Variants in NEMP2 observed in about 807,000 individuals in gnomAD.
NEMP2 encodes UPF0571 transmembrane protein.
A neutral mutation model predicts 54.2 loss-of-function variants in NEMP2; 53 were observed. That is an observed-to-expected ratio of 0.98 (90% CI 0.78 to 1.23). NEMP2 has a LOEUF of 1.23. Among genes scored for constraint, NEMP2 ranks in the 50% most tolerant of loss-of-function variants. The pLI is 0.00. For synonymous variants in NEMP2, 197 were observed against 190.3 expected, an observed-to-expected ratio of 1.04 and a Z score of -0.29; for missense variants, 455 against 511.3, an observed-to-expected ratio of 0.89 and a Z score of 1.06.
At chr2:190,424,445 C>G in the NEMP2 span, among the ~76,000 whole-genome samples, 1 of 152,158 alleles carries the variant, frequency 6.6e-6, no homozygotes, top group East Asian at 1.9e-4. This position sits in a 1 kb window ranked among gnomAD's most constrained non-coding sequence, Gnocchi z 5.9. Flanking sequence ...AAGTGATTCT[C>G]CTGCCTCAGC....
the NEMP2 span, among the ~76,000 whole-genome samples, chr2:190,599,798 G>T: frequency 1.3e-5 from 2 of 152,090 alleles, no homozygotes; most frequent in African/African-American, 4.8e-5. Context: ...TGGCACGTGG[G>T]CCTATTTTCA....
At chr2:190,452,379 T>C in the NEMP2 span, among the ~76,000 whole-genome samples, 1 of 152,208 alleles carries the variant, frequency 6.6e-6, no homozygotes, top group Non-Finnish European at 1.5e-5. Context: ...TTATTACATA[T>C]AAAAGTTACA....
the NEMP2 span, among the ~76,000 whole-genome samples, chr2:190,473,734 C>T: frequency 1.3e-5 from 2 of 152,200 alleles, no homozygotes; most frequent in East Asian, 1.9e-4. Context: ...TAGACATCTA[C>T]AGAACTCTCC....
At chr2:190,436,718 C>G in the NEMP2 span, 10 of 1,614,234 alleles carry the variant, frequency 6.2e-6, no homozygotes, top group Non-Finnish European at 8.5e-6. This position sits in a 1 kb window ranked among gnomAD's most constrained non-coding sequence, Gnocchi z 5.3. Flanking sequence ...CAGCCCCAGA[C>G]AGGTGAAATT....
the NEMP2 span, chr2:190,497,666 G>A: frequency 6.2e-7 from 1 of 1,614,154 alleles, no homozygotes; most frequent in Non-Finnish European, 8.5e-7. The surrounding 1 kb of genome is among the most constrained non-coding windows in gnomAD (Gnocchi z 5.2). Flanking sequence ...CCAAATTAAA[G>A]AGATGATGCA....
At chr2:190,443,178 T>G in the NEMP2 span, among the ~76,000 whole-genome samples, 1 of 152,014 alleles carries the variant, frequency 6.6e-6, no homozygotes, top group Non-Finnish European at 1.5e-5. The surrounding 1 kb of genome is among the most constrained non-coding windows in gnomAD (Gnocchi z 4.2). Context: ...GCCTAAGACA[T>G]AAGCAAGGGA....
At chr2:190,573,529 G>T in the NEMP2 span, among the ~76,000 whole-genome samples, 1 of 152,070 alleles carries the variant, frequency 6.6e-6, no homozygotes, top group Non-Finnish European at 1.5e-5. Context: ...TAATAGACTG[G>T]AAATGTTCCA....
the NEMP2 span, among the ~76,000 whole-genome samples, chr2:190,598,967 T>C: frequency 6.6e-6 from 1 of 152,226 alleles, no homozygotes; most frequent in South Asian, 2.1e-4. Flanking sequence ...TGTTTTGTTT[T>C]GTTTTTAGTG....
the NEMP2 span, among the ~76,000 whole-genome samples, chr2:190,451,158 T>G: frequency 6.6e-6 from 1 of 152,222 alleles, no homozygotes; most frequent in African/African-American, 2.4e-5. This position sits in a 1 kb window ranked among gnomAD's most constrained non-coding sequence, Gnocchi z 5.0. Context: ...TGTATGTGTG[T>G]GTATATGTAC....
the NEMP2 span, among the ~76,000 whole-genome samples, chr2:190,449,247 G>T: frequency 6.6e-6 from 1 of 152,192 alleles, no homozygotes; most frequent in South Asian, 2.1e-4. Flanking sequence ...GCTGAGGCAG[G>T]TGGATCACCT....
At chr2:190,482,903 T>TTTTTTTTTG in the NEMP2 span, among the ~76,000 whole-genome samples, 3,329 of 86,120 alleles carry the variant, frequency 0.039, 1,212 homozygotes, top group Non-Finnish European at 0.053. Flanking sequence ...TTTTTTTTTT[T>TTTTTTTTTG]AGACGGAGTC....
the NEMP2 span, chr2:190,553,244 C>T: frequency 2.0e-4 from 10 of 51,162 alleles, no homozygotes; most frequent in Non-Finnish European, 4.2e-5. Context: ...TTCCATTCTT[C>T]GTCAGAAAAA....
At chr2:190,576,904 C>G in the NEMP2 span, among the ~76,000 whole-genome samples, 1 of 152,148 alleles carries the variant, frequency 6.6e-6, no homozygotes, top group South Asian at 2.1e-4. Flanking sequence ...CTGTATGCAA[C>G]GAGCTTTGCA....
At chr2:190,577,937 A>T in the NEMP2 span, among the ~76,000 whole-genome samples, 1 of 152,224 alleles carries the variant, frequency 6.6e-6, no homozygotes, top group Non-Finnish European at 1.5e-5. This position sits in a 1 kb window ranked among gnomAD's most constrained non-coding sequence, Gnocchi z 4.8. Context: ...AGAGCATGGA[A>T]ATGCTATAAA....
chr2:190,437,139 C>A, the NEMP2 span: 2 of 1,614,116 alleles, frequency 1.2e-6, no homozygotes, highest in African/African-American at 2.7e-5. The surrounding 1 kb of genome is among the most constrained non-coding windows in gnomAD (Gnocchi z 5.9). Flanking sequence ...ATTACCAGAT[C>A]GTCTTCATCG....
chr2:190,628,598 A>C, the NEMP2 span: 1 of 152,212 alleles, frequency 6.6e-6, no homozygotes, highest in Non-Finnish European at 1.5e-5. This position sits in a 1 kb window ranked among gnomAD's most constrained non-coding sequence, Gnocchi z 4.1. Flanking sequence ...TCGGAACTGG[A>C]ACAGAAATGC....
chr2:190,595,808 A>T, the NEMP2 span, among the ~76,000 whole-genome samples: 2 of 152,216 alleles, frequency 1.3e-5, no homozygotes, highest in South Asian at 4.1e-4. The surrounding 1 kb of genome is among the most constrained non-coding windows in gnomAD (Gnocchi z 4.0). Flanking sequence ...ATGGAAGTGT[A>T]AATTAGTTCA....
At chr2:190,451,352 C>A in the NEMP2 span, among the ~76,000 whole-genome samples, 1 of 152,152 alleles carries the variant, frequency 6.6e-6, no homozygotes, top group African/African-American at 2.4e-5. This position sits in a 1 kb window ranked among gnomAD's most constrained non-coding sequence, Gnocchi z 5.0. Flanking sequence ...CATAATAAGT[C>A]CTCAACTATG....
At chr2:190,648,697 C>T in the NEMP2 span, among the ~76,000 whole-genome samples, 1 of 151,518 alleles carries the variant, frequency 6.6e-6, no homozygotes, top group East Asian at 1.9e-4. Context: ...ACCCGTCTCC[C>T]TCTTTGTCGT....
Sources: allele counts gnomAD v4.1 joint callset (sites outside exome capture counted in the v4.1 genomes callset), GRCh38; gene constraint gnomAD v4.1.1; non-coding constraint Gnocchi (gnomAD v3.1); transcripts MANE v1.5; gene names NCBI Gene and HGNC (gene_info 2026-07-23, HGNC 2026-07-21).